The following NMNAT2 variants were observed in gnomAD, a reference collection of about 807,000 sequenced individuals.
The protein encoded by NMNAT2 is nicotinamide nucleotide adenylyltransferase 2.
NMNAT2 carries 11 observed loss-of-function variants against 41.6 expected under a neutral mutation model. That is an observed-to-expected ratio of 0.26 (90% CI 0.17 to 0.44). The LOEUF (loss-of-function observed/expected upper bound fraction) is 0.44. Ranked by LOEUF, NMNAT2 falls within the 20% of genes least tolerant of loss-of-function variation. NMNAT2 has a pLI of 1.00. For synonymous variants in NMNAT2, 148 were observed against 151.2 expected (o/e 0.98, Z 0.16); for missense variants, 288 against 407.7 (o/e 0.71, Z 2.53).
intron 10 of NMNAT2, among the ~76,000 whole-genome samples, chr1:183,253,980 T>C (rs769904665): frequency 4.0e-5 from 6 of 151,666 alleles, no homozygotes; most frequent in Admixed American, 3.9e-4. Context: ...CTTTATCTAT[T>C]CATCCATTGA....
At chr1:183,313,287 A>G (rs1662167718) in intron 1 of NMNAT2, among the ~76,000 whole-genome samples, 1 of 152,210 alleles carries the variant, frequency 6.6e-6, no homozygotes, top group South Asian at 2.1e-4. Context: ...TCTGAACAAT[A>G]GGCTGTGATT....
chr1:183,402,541 C>T (rs529834808), intron 1 of NMNAT2, among the ~76,000 whole-genome samples: 20 of 152,316 alleles, frequency 1.3e-4, no homozygotes, highest in African/African-American at 4.1e-4. Context: ...TCTCCTCAAA[C>T]GCTGCTCTTG....
chr1:183,309,190 A>G (rs1327421342), intron 1 of NMNAT2, among the ~76,000 whole-genome samples: 1 of 152,130 alleles, frequency 6.6e-6, no homozygotes, highest in African/African-American at 2.4e-5. Flanking sequence ...TGTAGAGATA[A>G]GGTCTCAGTA....
chr1:183,363,368 T>G (rs1286192727), intron 1 of NMNAT2, among the ~76,000 whole-genome samples: 1 of 152,252 alleles, frequency 6.6e-6, no homozygotes, highest in East Asian at 1.9e-4. Flanking sequence ...GAATAAAGCA[T>G]CAAACACAGT....
intron 1 of NMNAT2, among the ~76,000 whole-genome samples, chr1:183,411,262 A>G (rs1649108935): frequency 6.6e-6 from 1 of 152,184 alleles, no homozygotes; most frequent in Non-Finnish European, 1.5e-5. Flanking sequence ...TCCTGGCAGT[A>G]AGTCTACCAT....
At chr1:183,304,089 T>C (rs1338887732) in intron 1 of NMNAT2, among the ~76,000 whole-genome samples, 1 of 152,268 alleles carries the variant, frequency 6.6e-6, no homozygotes, top group African/African-American at 2.4e-5. Flanking sequence ...TGACTCATGA[T>C]GGCAGCTGGA....
chr1:183,279,005 T>C lies in NMNAT2; in HGVS notation c.575-376A>G, dbSNP rs561210298. On this transcript the variant is annotated intron_variant, in intron 7 of 10. Transcript: ENST00000287713. Reference sequence around the variant, plus strand: ...TGTCTAAGGTCTGAGGTACTCTCTCTTGCTCCCTGTCAAGCTCAAACGCCA... The same window carrying C: ...TGTCTAAGGTCTGAGGTACTCTCTCCTGCTCCCTGTCAAGCTCAAACGCCA... 8.5e-5 allele frequency among the ~76,000 whole-genome samples: 13 copies of C among 152,328 alleles called. No individual in the cohort carries two copies. The East Asian group carries it at 2.5e-3, about 29-fold the overall frequency.
At chr1:183,401,767 G>A (rs1648814464) in intron 1 of NMNAT2, among the ~76,000 whole-genome samples, 1 of 152,152 alleles carries the variant, frequency 6.6e-6, no homozygotes. Flanking sequence ...CCTTTGTAGG[G>A]ACATGGAAGA....
chr1:183,367,317 G>A (rs1663434496), intron 1 of NMNAT2, among the ~76,000 whole-genome samples: 1 of 152,144 alleles, frequency 6.6e-6, no homozygotes. Context: ...AAGTAGTCAG[G>A]CATGGTGGCA....
intron 1 of NMNAT2, among the ~76,000 whole-genome samples, chr1:183,330,638 C>T (rs894242286): frequency 8.5e-5 from 13 of 152,224 alleles, no homozygotes; most frequent in African/African-American, 2.7e-4. Context: ...GGGCTATGCA[C>T]GCCTCAGAAA....
Position 183,252,409 on chromosome 1 carries a change from A to AT in NMNAT2, c.*231_*232insA, listed in dbSNP as rs1660411890. Reference sequence around the variant, plus strand: ...AAGGACTGCACTTCCCCCGACTCCCACCCCATTCCCTCACCCACCCCCAAC... The same window carrying AT: ...AAGGACTGCACTTCCCCCGACTCCCATCCCCATTCCCTCACCCACCCCCAAC... On this transcript the variant is annotated 3_prime_UTR_variant, in exon 11 of 11. Coordinates refer to ENST00000287713, the MANE Select transcript of NMNAT2 (RefSeq NM_015039.4). 1 of 363,590 alleles carries AT rather than the reference A, an allele frequency of 2.8e-6. No individual in the cohort carries two copies. Among genetic ancestry groups the AT allele is most frequent in the African/African-American group, 2.2e-5 (1 of 46,480 alleles). The allele number at this position is 363,590 out of a possible 1,614,324, so 22.5% of individuals were successfully genotyped here.
At chr1:183,363,796 A>T (rs1663357964) in intron 1 of NMNAT2, among the ~76,000 whole-genome samples, 1 of 152,238 alleles carries the variant, frequency 6.6e-6, no homozygotes, top group African/African-American at 2.4e-5. Flanking sequence ...GGGTTGGATA[A>T]CATGACATTC....
rs1055397512 is a variant in NMNAT2 at position 183,252,363 on chromosome 1, GACGGAC to G, written c.*272_*277del. 22 of 429,500 alleles carry G rather than the reference GACGGAC, an allele frequency of 5.1e-5. No individual in the cohort carries two copies. The highest frequency in any genetic ancestry group is 4.4e-4 in the African/African-American group (22 of 49,476). The allele number at this position is 429,500 out of a possible 1,614,324, so 26.6% of individuals were successfully genotyped here. ...GCCGCCTCTCTAGAGCATGCTGGGA[GACGGAC>G]ACCAGTACATCTCCAAGGACTGCAC... On this transcript the variant is annotated 3_prime_UTR_variant, in exon 11 of 11. Coordinates refer to ENST00000287713, the MANE Select transcript of NMNAT2 (RefSeq NM_015039.4).
At chr1:183,265,432 A>G (rs908955139) in intron 8 of NMNAT2, among the ~76,000 whole-genome samples, 5 of 151,554 alleles carry the variant, frequency 3.3e-5, no homozygotes, top group Non-Finnish European at 5.9e-5. Context: ...ATGCCCAGCT[A>G]ATTTGTGTAT....
At chr1:183,304,688 C>A (rs1557872832) in intron 1 of NMNAT2, 1 of 1,614,120 alleles carries the variant, frequency 6.2e-7, no homozygotes, top group Admixed American at 1.7e-5. Flanking sequence ...GTAACAAACA[C>A]TTCCCAGAGC....
At chr1:183,359,031 A>T (rs1172987376) in intron 1 of NMNAT2, among the ~76,000 whole-genome samples, 1 of 152,212 alleles carries the variant, frequency 6.6e-6, no homozygotes. Flanking sequence ...GTATCATTGC[A>T]TATTGAGCTG....
intron 1 of NMNAT2, among the ~76,000 whole-genome samples, chr1:183,314,255 T>C (rs1047287210): frequency 6.6e-6 from 1 of 152,124 alleles, no homozygotes; most frequent in Non-Finnish European, 1.5e-5. Context: ...CATGCCCTTT[T>C]CCCCCAGCAA....
chr1:183,370,275 C>CACACAG (rs1387839594), intron 1 of NMNAT2, among the ~76,000 whole-genome samples: 1 of 146,942 alleles, frequency 6.8e-6, no homozygotes, highest in Non-Finnish European at 1.5e-5. Context: ...CACACACACA[C>CACACAG]AGGCTGCAGT....
chr1:183,401,082 A>G (rs919072232), intron 1 of NMNAT2, among the ~76,000 whole-genome samples: 1 of 152,230 alleles, frequency 6.6e-6, no homozygotes, highest in African/African-American at 2.4e-5. Context: ...ATTAAACTCA[A>G]GAGCTTCTGC....
Sources: allele counts gnomAD v4.1 joint callset (sites outside exome capture counted in the v4.1 genomes callset), GRCh38; gene constraint gnomAD v4.1.1; transcripts MANE v1.5; gene names NCBI Gene and HGNC (gene_info 2026-07-23, HGNC 2026-07-21).